The following ADAMTS9 variants were observed in gnomAD, a reference collection of about 807,000 sequenced individuals.
The protein encoded by ADAMTS9 is ADAM metallopeptidase with thrombospondin type 1 motif 9, also known as A disintegrin and metalloproteinase with thrombospondin motifs 9.
ADAMTS9 carries 107 observed loss-of-function variants against 257.1 expected under a neutral mutation model. The ratio of observed to expected loss-of-function variants is 0.42; its 90% confidence interval spans 0.36 to 0.49. The LOEUF (loss-of-function observed/expected upper bound fraction) is 0.49, where lower values mean the gene tolerates loss of function less well. Among genes scored for constraint, ADAMTS9 ranks in the 20% least tolerant of loss-of-function variants. The pLI is 0.03. For synonymous variants in ADAMTS9, 982 were observed against 880.9 expected (o/e 1.11, Z -2.03); for missense variants, 2,353 against 2,469.1 (o/e 0.95, Z 1.00).
intron 22 of ADAMTS9, among the ~76,000 whole-genome samples, chr3:64,611,057 C>T (rs1411102386): frequency 1.6e-5 from 2 of 122,574 alleles, no homozygotes; most frequent in East Asian, 4.8e-4. Context: ...GCCTGGGCGA[C>T]AGAGTGAGAC....
intron 9 of ADAMTS9, 133 bp downstream of exon 9, chr3:64,650,884 T>TG: frequency 1.4e-6 from 1 of 708,522 alleles, no homozygotes; most frequent in Non-Finnish European, 2.1e-6. Context: ...TTTTTTTTTT[T>TG]GCCTTCTCCA....
At chr3:64,649,923 T>G in intron 9 of ADAMTS9, 145 bp from the exon 10 acceptor site, 1 of 1,038,210 alleles carries the variant, frequency 9.6e-7, no homozygotes. Context: ...ACATCCAAGA[T>G]TAAATCCAGA....
chr3:64,596,821 C>T lies in ADAMTS9; in HGVS notation c.4179+9G>A. The T allele has an allele frequency of 1.9e-6, 3 of 1,613,626 alleles. No homozygotes were observed. Among genetic ancestry groups the T allele is most frequent in the Middle Eastern group, 1.7e-4 (1 of 6,052 alleles). On this transcript the variant is annotated intron_variant, in intron 27 of 39. Coordinates refer to ENST00000498707, the MANE Select transcript of ADAMTS9 (RefSeq NM_182920.2). ...CCTCTGTATTTATAGACGGATAGTT[C>T]ACTCTCACCTCTCCCCAGTTGCCAT... is the stretch of plus-strand genomic sequence containing the variant.
At chr3:64,628,582 C>T (rs574263481) in intron 16 of ADAMTS9, among the ~76,000 whole-genome samples, 1 of 152,128 alleles carries the variant, frequency 6.6e-6, no homozygotes, top group Non-Finnish European at 1.5e-5. Flanking sequence ...ATGGATTCCC[C>T]CCCCAAAATA....
At chr3:64,635,647 C>A (rs1043897877) in intron 12 of ADAMTS9, among the ~76,000 whole-genome samples, 2 of 152,132 alleles carry the variant, frequency 1.3e-5, no homozygotes, top group Non-Finnish European at 2.9e-5. Context: ...GTACTTTGCC[C>A]AAAGGTCACA....
chr3:64,657,669 C>T (rs553851135), intron 4 of ADAMTS9, among the ~76,000 whole-genome samples: 1 of 150,226 alleles, frequency 6.7e-6, no homozygotes, highest in South Asian at 2.2e-4. Flanking sequence ...TTTAATGTGG[C>T]TACATGAAAA....
At chr3:64,642,937 G>T (rs1448997497) in intron 11 of ADAMTS9, among the ~76,000 whole-genome samples, 20 of 152,154 alleles carry the variant, frequency 1.3e-4, no homozygotes, top group Admixed American at 1.3e-3. Flanking sequence ...GGTAGGTGAA[G>T]GTCTCAGTGG....
At position 64,594,308 on chromosome 3, in the gene ADAMTS9, T is replaced by C. The variant is rs775373106; in HGVS notation, c.4306A>G (p.Thr1436Ala). Residue 1436 changes from threonine to alanine, a missense_variant, in exon 28 of 40, where the codon ACA becomes GCA. Coordinates refer to ENST00000498707, the MANE Select transcript of ADAMTS9 (RefSeq NM_182920.2). ...DKPPDREQCN[T>A]HACPHDAAWS... Reference sequence around the variant, plus strand: ...GCAGCGTCGTGTGGACAAGCATGTGTGTTACACTGCTCACGATCGGGAGGT... The same window carrying C: ...GCAGCGTCGTGTGGACAAGCATGTGCGTTACACTGCTCACGATCGGGAGGT... 1.9e-6 allele frequency: 3 copies of C among 1,612,650 alleles called. No individual in the cohort carries two copies. The highest frequency in any genetic ancestry group is 2.7e-5 in the African/African-American group (2 of 74,486).
intron 30 of ADAMTS9, 24 bp downstream of exon 30, chr3:64,561,554 G>A (rs2083423078): frequency 6.2e-7 from 1 of 1,603,830 alleles, no homozygotes; most frequent in South Asian, 1.1e-5. Flanking sequence ...TGCCTGGCAG[G>A]TACCCCTTTG....
chr3:64,615,997 C>T lies in ADAMTS9; in HGVS notation c.2987G>A (p.Cys996Tyr). The T allele has an allele frequency of 1.9e-6, 3 of 1,613,870 alleles. No individual in the cohort carries two copies. The South Asian group carries it at 3.3e-5, about 18-fold the overall frequency. Residue 996 changes from cysteine to tyrosine, a missense_variant, in exon 20 of 40, where the codon TGT becomes TAT. By Grantham distance (194) the Cys-to-Tyr change is radical. This residue lies in a region of ADAMTS9 where 1,402 missense variants were observed against 1,441.4 expected (regional missense o/e 0.97). Transcript: ENST00000498707. ...AGAATAGCGCCAGCCACCCGTGTTA[C>T]ATTCCCCTGAGCATTTTTCACGGTT... ...PSNREKCSGE[C>Y]NTGGWRYSAW...
intron 30 of ADAMTS9, among the ~76,000 whole-genome samples, chr3:64,551,461 G>A (rs976213303): frequency 6.6e-5 from 10 of 152,052 alleles, no homozygotes; most frequent in East Asian, 5.8e-4. Context: ...TGCCCACCTC[G>A]GCCTCCCAAA....
chr3:64,634,840 T>C (rs1367358483), intron 12 of ADAMTS9, among the ~76,000 whole-genome samples: 1 of 152,020 alleles, frequency 6.6e-6, no homozygotes, highest in Non-Finnish European at 1.5e-5. Flanking sequence ...AAAAAATGGG[T>C]TTTTGGCTGC....
chr3:64,621,177 C>T lies in ADAMTS9; in HGVS notation c.2750G>A (p.Arg917Lys). 1 of 1,613,926 alleles carries T rather than the reference C, an allele frequency of 6.2e-7. No individual in the cohort carries two copies. Among genetic ancestry groups the T allele is most frequent in the Non-Finnish European group, 8.5e-7 (1 of 1,179,924 alleles). Residue 917 changes from arginine (R) to lysine (K), a missense_variant, in exon 19 of 40, where the codon AGA (arginine) becomes AAA (lysine). By Grantham distance (26) the Arg-to-Lys change is conservative. Coordinates refer to ENST00000498707, the MANE Select transcript of ADAMTS9 (RefSeq NM_182920.2). ...ESDQLTVSDQRCDRLPQPGHI... is the reference protein window; with the variant it reads ...ESDQLTVSDQKCDRLPQPGHI... ...TCCAGGCTGGGGCAGCCGATCGCAT[C>T]TTTGATCAGAAACAGTAAGCTGATC... is the stretch of plus-strand genomic sequence containing the variant.
At chr3:64,624,769 G>A (rs1327358104) in intron 16 of ADAMTS9, among the ~76,000 whole-genome samples, 7 of 152,100 alleles carry the variant, frequency 4.6e-5, no homozygotes, top group African/African-American at 1.2e-4. Context: ...ATGTAATTTT[G>A]TTGATGGTCA....
intron 21 of ADAMTS9, 102 bp downstream of exon 21, chr3:64,615,219 G>C: frequency 1.5e-6 from 2 of 1,319,900 alleles, no homozygotes; most frequent in South Asian, 1.4e-5. Context: ...GAAAGGGAGA[G>C]GTGGGAGAAA....
intron 28 of ADAMTS9, chr3:64,568,765 A>G (rs533970143): frequency 1.3e-5 from 6 of 457,222 alleles, no homozygotes; most frequent in Admixed American, 4.4e-5. Context: ...TTTTTGGCTC[A>G]CTCAAGAGTG....
chr3:64,523,890 C>G (rs760607254), intron 38 of ADAMTS9, among the ~76,000 whole-genome samples: 1 of 152,184 alleles, frequency 6.6e-6, no homozygotes. Flanking sequence ...CAACTGCTCT[C>G]AATCACTGTA....
rs768615025 is a variant in ADAMTS9, at chr3:64,658,718, AGCC to A, written c.750_752del (p.Ala251del). The stretch of plus-strand genomic sequence containing the variant: ...CGCTGTTTAATGCTGCTACGTCACC[AGCC>A]AGGTTAATCCTTTCTCCCCATTTTC... On this transcript the variant is annotated inframe_deletion, in exon 4 of 40. Transcript: ENST00000498707. The A allele has an allele frequency of 1.2e-6, 2 of 1,614,174 alleles. No homozygotes were observed. Among genetic ancestry groups the A allele is most frequent in the Admixed American group, 3.3e-5 (2 of 60,022 alleles).
chr3:64,618,432 A>G (rs1700019894), intron 19 of ADAMTS9, among the ~76,000 whole-genome samples: 1 of 152,226 alleles, frequency 6.6e-6, no homozygotes, highest in South Asian at 2.1e-4. Context: ...CATACCTACT[A>G]TATGAAACAC....
Sources: allele counts gnomAD v4.1 joint callset (sites outside exome capture counted in the v4.1 genomes callset), GRCh38; gene constraint gnomAD v4.1.1; regional missense constraint gnomAD v4.1.1; transcripts MANE v1.5; gene names NCBI Gene and HGNC (gene_info 2026-07-23, HGNC 2026-07-21).